The following NQO1 variants were observed in gnomAD, a reference collection of about 807,000 sequenced individuals.
NQO1 encodes the protein NAD(P)H quinone dehydrogenase 1.
Under a neutral mutation model 32.1 loss-of-function variants are expected in NQO1, and 30 were observed. The observed-to-expected ratio is 0.94, with a 90% CI of 0.70 to 1.27. The LOEUF (loss-of-function observed/expected upper bound fraction) is 1.27, where lower values mean the gene tolerates loss of function less well. Ranked by LOEUF, NQO1 falls within the 50% of genes most tolerant of loss-of-function variation. The pLI, the probability that NQO1 is intolerant of heterozygous loss-of-function variation, is 0.00. For missense variants in NQO1, 276 were observed against 331.3 expected (o/e 0.83, Z 1.30); for synonymous variants, 109 against 119.7 (o/e 0.91, Z 0.59).
chr16:69,718,649 A>T (rs749351832), intron 1 of NQO1, 115 bp from the exon 2 acceptor site: 5 of 921,200 alleles, frequency 5.4e-6, no homozygotes, highest in Non-Finnish European at 8.1e-6. Flanking sequence ...ACATTAGGTT[A>T]TTGCATTCCA....
chr16:69,726,399 G>T (rs748889205), intron 1 of NQO1, 34 bp downstream of exon 1: 5 of 1,610,940 alleles, frequency 3.1e-6, no homozygotes, highest in Non-Finnish European at 4.2e-6. Flanking sequence ...CTCGAGAGAC[G>T]ACCGCCAAGC....
In NQO1 at chr16:69,710,562, G is replaced by A. The variant is rs1307318601; in HGVS notation, c.*414C>T. 1.2e-5 allele frequency: 2 copies of A among 173,088 alleles called. No homozygotes were observed. The highest frequency in any genetic ancestry group is 3.2e-4 in the East Asian group (2 of 6,240). 10.7% of individuals were successfully genotyped at this position (173,088 alleles called of 1,614,324 possible). Reference sequence around the variant, plus strand: ...CAAGTTAAGTCCCTTAGGGCAGGTAGATTCAGTCTTTTCCTTCTCTGAGCA... The same window carrying A: ...CAAGTTAAGTCCCTTAGGGCAGGTAAATTCAGTCTTTTCCTTCTCTGAGCA... On this transcript the variant is annotated 3_prime_UTR_variant, in exon 6 of 6. Coordinates refer to ENST00000320623, the MANE Select transcript of NQO1 (RefSeq NM_000903.3).
intron 1 of NQO1, among the ~76,000 whole-genome samples, chr16:69,720,164 G>A (rs181136153): frequency 3.9e-5 from 6 of 152,198 alleles, no homozygotes; most frequent in Admixed American, 2.6e-4. Flanking sequence ...GAGGCTGAGA[G>A]ATGGAAGGAT....
chr16:69,714,787 G>A (rs1196984933), intron 4 of NQO1, among the ~76,000 whole-genome samples, 177 bp downstream of exon 4: 1 of 152,016 alleles, frequency 6.6e-6, no homozygotes, highest in Non-Finnish European at 1.5e-5. Flanking sequence ...GCTGAGGCAG[G>A]AGAATCGCTT....
At position 69,726,515 on chromosome 16, in the gene NQO1, C is replaced by G; in HGVS notation, c.-76G>C. On this transcript the variant is annotated 5_prime_UTR_variant, in exon 1 of 6. Transcript: ENST00000320623. ...GCGACCCTGGCCGGAACTAGGCTCT[C>G]GGTGAGCTGGGCGGCTCCGGCTGCA... The G allele has an allele frequency of 1.3e-6, 2 of 1,581,762 alleles. No individual in the cohort carries two copies. The highest frequency in any genetic ancestry group is 2.2e-5 in the East Asian group (1 of 44,624).
chr16:69,726,451 A>C lies in NQO1; in HGVS notation c.-12T>G, dbSNP rs1158612448. 1.2e-6 allele frequency: 2 copies of C among 1,609,278 alleles called. No individual in the cohort carries two copies. The highest frequency in any genetic ancestry group is 1.3e-5 in the African/African-American group (1 of 74,838). ...CACTCACCGACCATGGCTCTGGTGC[A>C]GTCCGGGGCGCTGATTGGCTGGGCT... On this transcript the variant is annotated 5_prime_UTR_variant, in exon 1 of 6. Transcript: ENST00000320623.
rs2038009533 is a variant in NQO1 at position 69,709,567 on chromosome 16, C to G, written c.*1409G>C. On this transcript the variant is annotated 3_prime_UTR_variant, in exon 6 of 6. Transcript: ENST00000320623. Reference sequence around the variant, plus strand: ...AAAAACCACCAGTGCCAGTCAGCATCTGGTAAAGGAGGTTTTCCAGCTCGG... The same window carrying G: ...AAAAACCACCAGTGCCAGTCAGCATGTGGTAAAGGAGGTTTTCCAGCTCGG... The G allele has an allele frequency of 1.5e-5, 6 of 389,948 alleles. No individual in the cohort carries two copies. The East Asian group carries it at 2.2e-4, about 14-fold the overall frequency. 24.2% of individuals were successfully genotyped at this position (389,948 alleles called of 1,614,324 possible).
At chr16:69,712,966 C>G in intron 5 of NQO1, 62 bp downstream of exon 5, 1 of 1,373,420 alleles carries the variant, frequency 7.3e-7, no homozygotes, top group Non-Finnish European at 1.0e-6. Context: ...GCACTCCAGC[C>G]TAGATGACAG....
chr16:69,722,949 A>T (rs2038211746), intron 1 of NQO1, among the ~76,000 whole-genome samples: 1 of 152,066 alleles, frequency 6.6e-6, no homozygotes, highest in Non-Finnish European at 1.5e-5. Flanking sequence ...TTTTTTTGAG[A>T]CAGAGTTTCG....
chr16:69,726,409 C>T, intron 1 of NQO1, 24 bp downstream of exon 1: 1 of 1,611,506 alleles, frequency 6.2e-7, no homozygotes, highest in South Asian at 1.1e-5. Flanking sequence ...GACCGCCAAG[C>T]ACCCCGCCCT....
intron 1 of NQO1, among the ~76,000 whole-genome samples, chr16:69,722,845 A>T (rs1262294239): frequency 1.3e-5 from 2 of 152,218 alleles, no homozygotes; most frequent in Non-Finnish European, 2.9e-5. Context: ...AAGTGAGCAT[A>T]TTCAGCTCTA....
At position 69,710,175 on chromosome 16, in the gene NQO1, A is replaced by G. The variant is rs530963553; in HGVS notation, c.*801T>C. ...TGGTGAAACGCCGTCTCTACTAAAA[A>G]TACAAAAATTAGTCAGGCATGATGG... On this transcript the variant is annotated 3_prime_UTR_variant, in exon 6 of 6. Transcript: ENST00000320623. The G allele has an allele frequency of 6.4e-6, 1 of 156,472 alleles. No homozygotes were observed. The highest frequency in any genetic ancestry group is 2.4e-5 in the African/African-American group (1 of 41,462). The allele number at this position is 156,472 out of a possible 1,614,324, so 9.7% of individuals were successfully genotyped here.
chr16:69,711,349 A>G (rs1217151852), intron 5 of NQO1, 68 bp from the exon 6 acceptor site: 2 of 1,425,238 alleles, frequency 1.4e-6, no homozygotes, highest in Non-Finnish European at 1.9e-6. Flanking sequence ...AAACAACAGA[A>G]GTTGGTCTGG....
chr16:69,717,476 G>T (rs1187758271), intron 3 of NQO1, among the ~76,000 whole-genome samples: 4 of 151,620 alleles, frequency 2.6e-5, no homozygotes, highest in Non-Finnish European at 5.9e-5. Context: ...AACAGGAATC[G>T]CTAACCGCAG....
At chr16:69,714,795 C>T (rs2038090586) in intron 4 of NQO1, among the ~76,000 whole-genome samples, 169 bp downstream of exon 4, 1 of 152,004 alleles carries the variant, frequency 6.6e-6, no homozygotes, top group South Asian at 2.1e-4. Context: ...AGGAGAATCG[C>T]TTGAACTCAG....
intron 1 of NQO1, among the ~76,000 whole-genome samples, chr16:69,719,883 C>T (rs975785479): frequency 1.3e-5 from 2 of 152,072 alleles, no homozygotes; most frequent in Non-Finnish European, 2.9e-5. Context: ...AAGGCTGAGG[C>T]GGCAAGATCC....
intron 3 of NQO1, 170 bp downstream of exon 3, chr16:69,717,953 C>A: frequency 5.0e-6 from 5 of 1,008,388 alleles, no homozygotes; most frequent in Non-Finnish European, 7.2e-6. Flanking sequence ...CAGCCAGATT[C>A]CCAATATCTG....
intron 1 of NQO1, among the ~76,000 whole-genome samples, chr16:69,721,059 T>TG (rs56992221): frequency 2.6e-5 from 4 of 151,224 alleles, no homozygotes; most frequent in South Asian, 2.1e-4. Context: ...TTTTTTTTTT[T>TG]GTAGAGACAG....
intron 4 of NQO1, 107 bp downstream of exon 4, chr16:69,714,857 C>T (rs1036336568): frequency 6.4e-5 from 49 of 770,880 alleles, no homozygotes; most frequent in Non-Finnish European, 1.1e-4. Flanking sequence ...CCAGCCTGGG[C>T]AACAAGAGGG....
Sources: allele counts gnomAD v4.1 joint callset (sites outside exome capture counted in the v4.1 genomes callset), GRCh38; gene constraint gnomAD v4.1.1; transcripts MANE v1.5; gene names NCBI Gene and HGNC (gene_info 2026-07-23, HGNC 2026-07-21).